ADAMTS6: variants seen among roughly 807,000 people sequenced by gnomAD.
ADAMTS6 encodes ADAM metallopeptidase with thrombospondin type 1 motif 6.
A neutral mutation model predicts 144.3 loss-of-function variants in ADAMTS6; 23 were observed. The ratio of observed to expected loss-of-function variants is 0.16; its 90% CI spans 0.11 to 0.23. ADAMTS6 has a LOEUF of 0.23. Among genes scored for constraint, ADAMTS6 ranks in the 10% least tolerant of loss-of-function variants. ADAMTS6 has a pLI of 1.00. For missense variants in ADAMTS6, 999 were observed against 1,379.6 expected, an observed-to-expected ratio of 0.72 and a Z score of 4.37; for synonymous variants, 444 against 457.5, an observed-to-expected ratio of 0.97 and a Z score of 0.38.
At chr5:65,390,249 G>A (rs573018602) in intron 7 of ADAMTS6, among the ~76,000 whole-genome samples, 2 of 152,194 alleles carry the variant, frequency 1.3e-5, no homozygotes, top group East Asian at 1.9e-4. Flanking sequence ...TTGCTTACTC[G>A]AGCATTTTAA....
At chr5:65,350,878 C>T (rs1748789696) in intron 7 of ADAMTS6, among the ~76,000 whole-genome samples, 1 of 152,116 alleles carries the variant, frequency 6.6e-6, no homozygotes, top group African/African-American at 2.4e-5. Flanking sequence ...AAACTCCTGA[C>T]CTCAAATGAT....
chr5:65,366,574 T>C (rs1392525591), intron 7 of ADAMTS6, among the ~76,000 whole-genome samples: 2 of 152,196 alleles, frequency 1.3e-5, no homozygotes, highest in Non-Finnish European at 1.5e-5. Flanking sequence ...AATTCTACTA[T>C]ATAAGATGTG....
chr5:65,411,216 C>T (rs1755019351), intron 7 of ADAMTS6, among the ~76,000 whole-genome samples: 1 of 152,092 alleles, frequency 6.6e-6, no homozygotes, highest in African/African-American at 2.4e-5. Context: ...CATCGGTCAA[C>T]AGTGAGTTTG....
intron 7 of ADAMTS6, among the ~76,000 whole-genome samples, chr5:65,366,051 T>C (rs1750281745): frequency 1.3e-5 from 2 of 152,050 alleles, no homozygotes; most frequent in South Asian, 2.1e-4. Flanking sequence ...ACAAAGTCAT[T>C]GAATAAAACC....
At chr5:65,481,059 A>C (rs1465276436) in intron 1 of ADAMTS6, among the ~76,000 whole-genome samples, 1 of 152,006 alleles carries the variant, frequency 6.6e-6, no homozygotes, top group African/African-American at 2.4e-5. Flanking sequence ...AATCAAGTCC[A>C]CTTCACAAAA....
chr5:65,326,682 T>C (rs1010490626), intron 9 of ADAMTS6, among the ~76,000 whole-genome samples: 3 of 152,130 alleles, frequency 2.0e-5, no homozygotes, highest in Non-Finnish European at 4.4e-5. Context: ...ATCCATCTCA[T>C]AAAGGATACA....
intron 22 of ADAMTS6, among the ~76,000 whole-genome samples, chr5:65,180,331 A>ATTTT (rs1346528936): frequency 6.6e-6 from 1 of 152,154 alleles, no homozygotes; most frequent in Non-Finnish European, 1.5e-5. Context: ...GGATAACACA[A>ATTTT]TTTTTTCAGT....
At chr5:65,234,402 GTA>G (rs1491413354) in intron 15 of ADAMTS6, among the ~76,000 whole-genome samples, 165 of 6,130 alleles carry the variant, frequency 0.027, no homozygotes, top group African/African-American at 0.046. Flanking sequence ...CAACTCAATA[GTA>G]AAAAAAAAAA....
chr5:65,179,271 G>A (rs1385631856), intron 22 of ADAMTS6, among the ~76,000 whole-genome samples: 3 of 152,092 alleles, frequency 2.0e-5, no homozygotes, highest in African/African-American at 7.2e-5. Context: ...AGTGTACCAG[G>A]ACTCTAAAAA....
intron 14 of ADAMTS6, among the ~76,000 whole-genome samples, chr5:65,256,177 A>T (rs1184678988): frequency 6.6e-6 from 1 of 152,170 alleles, no homozygotes; most frequent in Non-Finnish European, 1.5e-5. Context: ...AATTAAAACT[A>T]ATTAAACTTA....
At chr5:65,433,664 C>A (rs372946917) in intron 7 of ADAMTS6, among the ~76,000 whole-genome samples, 7 of 152,104 alleles carry the variant, frequency 4.6e-5, no homozygotes, top group South Asian at 4.1e-4. Context: ...ATATAACTAG[C>A]TATCAGTGAG....
At chr5:65,438,135 C>T (rs1757589279) in intron 7 of ADAMTS6, among the ~76,000 whole-genome samples, 1 of 152,174 alleles carries the variant, frequency 6.6e-6, no homozygotes, top group Non-Finnish European at 1.5e-5. Flanking sequence ...AACACAAAAC[C>T]TATTTCCCAA....
intron 11 of ADAMTS6, among the ~76,000 whole-genome samples, chr5:65,286,303 A>AT (rs1034059847): frequency 7.4e-4 from 112 of 151,884 alleles, no homozygotes; most frequent in South Asian, 2.1e-3. Flanking sequence ...TGGTGAACAG[A>AT]TTTTTTTTTA....
rs190951706 is a variant in ADAMTS6, at chr5:65,224,535, G to C, written c.2192-135C>G. ...GCATTTTATGAATTATGAAATATGG[G>C]CAAATTACCCTTTGGGTTCATGAAT... On this transcript the variant is annotated intron_variant, in intron 17 of 24. Transcript: ENST00000381055. The C allele has an allele frequency of 4.2e-5, 31 of 739,948 alleles. No individual in the cohort carries two copies. The East Asian group carries it at 7.6e-4, about 18-fold the overall frequency. 45.8% of individuals were successfully genotyped at this position (739,948 alleles called of 1,614,324 possible).
In ADAMTS6 at chr5:65,399,093, A is replaced by G. The variant is rs561607992; in HGVS notation, c.1073+52382T>C. Reference sequence around the variant, plus strand: ...CCAACATGGTGAAACCCCGTCTCCAATAAAAGTACAAAAATTAGCTGGGCG... The same window carrying G: ...CCAACATGGTGAAACCCCGTCTCCAGTAAAAGTACAAAAATTAGCTGGGCG... On this transcript the variant is annotated intron_variant, in intron 7 of 24. Transcript: ENST00000381055. 9.9e-5 allele frequency among the ~76,000 whole-genome samples: 15 copies of G among 151,898 alleles called. No individual in the cohort carries two copies. The East Asian group carries it at 2.9e-3, about 30-fold the overall frequency.
At chr5:65,348,996 A>G (rs1215706542) in intron 7 of ADAMTS6, among the ~76,000 whole-genome samples, 1 of 152,124 alleles carries the variant, frequency 6.6e-6, no homozygotes, top group African/African-American at 2.4e-5. Flanking sequence ...TTTTCTTTCC[A>G]AATTTTTACT....
At chr5:65,466,245 C>A (rs1027502922) in intron 3 of ADAMTS6, among the ~76,000 whole-genome samples, 33 of 152,114 alleles carry the variant, frequency 2.2e-4, no homozygotes, top group African/African-American at 7.7e-4. Flanking sequence ...TCCTTTCTGA[C>A]CTCAACTTCC....
At chr5:65,407,489 T>A (rs1185423898) in intron 7 of ADAMTS6, among the ~76,000 whole-genome samples, 3 of 75,640 alleles carry the variant, frequency 4.0e-5, no homozygotes, top group African/African-American at 5.2e-5. Context: ...CCCTCCTCCC[T>A]CCCCCCACCC....
At chr5:65,167,060 C>CA (rs1225233358) in intron 24 of ADAMTS6, among the ~76,000 whole-genome samples, 1 of 143,882 alleles carries the variant, frequency 7.0e-6, no homozygotes, top group Non-Finnish European at 1.5e-5. Context: ...AATAGAGACA[C>CA]AAAAAACCCT....
Sources: allele counts gnomAD v4.1 joint callset (sites outside exome capture counted in the v4.1 genomes callset), GRCh38; gene constraint gnomAD v4.1.1; transcripts MANE v1.5; gene names NCBI Gene and HGNC (gene_info 2026-07-23, HGNC 2026-07-21).